The following TCF12 variants were observed in gnomAD, a reference collection of about 807,000 sequenced individuals.
TCF12 encodes DNA-binding protein HTF4.
Under a neutral mutation model 86.0 loss-of-function variants are expected in TCF12, and 45 were observed. That is an observed-to-expected ratio of 0.52 (90% CI 0.41 to 0.67). TCF12 has a LOEUF of 0.67. TCF12 is among the 30% of genes least tolerant of loss of function. The probability of loss-of-function intolerance (pLI) is 0.00; values close to 1 mark genes in which losing one functional copy is unlikely to be tolerated. For missense variants in TCF12, 881 were observed against 859.9 expected (o/e 1.02, Z -0.31); for synonymous variants, 330 against 299.6 (o/e 1.10, Z -1.05).
intron 18 of TCF12, among the ~76,000 whole-genome samples, chr15:57,270,603 T>C (rs1165594497): frequency 2.0e-5 from 3 of 152,186 alleles, no homozygotes; most frequent in Non-Finnish European, 4.4e-5. Context: ...TTTGTTCCCT[T>C]GTTGATGAGG....
intron 3 of TCF12, among the ~76,000 whole-genome samples, chr15:56,943,024 A>T (rs2060846701): frequency 6.6e-6 from 1 of 152,196 alleles, no homozygotes; most frequent in African/African-American, 2.4e-5. Flanking sequence ...GTATGGAAGG[A>T]TATTTGGTGA....
At chr15:56,920,812 C>T (rs1399911808) in intron 2 of TCF12, among the ~76,000 whole-genome samples, 5 of 152,056 alleles carry the variant, frequency 3.3e-5, no homozygotes, top group South Asian at 4.2e-4. Flanking sequence ...TGTAAATGAT[C>T]GGGTCTTCAG....
chr15:57,080,641 G>A (rs1343893669), intron 4 of TCF12, among the ~76,000 whole-genome samples: 1 of 152,062 alleles, frequency 6.6e-6, no homozygotes, highest in East Asian at 1.9e-4. Context: ...TGGATTTAGG[G>A]CCCTGACCCA....
At chr15:57,278,457 A>G (rs1037220902) in intron 19 of TCF12, 2 of 152,310 alleles carry the variant, frequency 1.3e-5, no homozygotes, top group East Asian at 1.9e-4. Flanking sequence ...CGGAATTTGC[A>G]TTACTAACAA....
Position 57,250,007 on chromosome 15 carries a change from C to G in TCF12, c.1115-1343C>G, listed in dbSNP as rs145421625. On this transcript the variant is annotated intron_variant, in intron 13 of 20. Transcript: ENST00000333725. ...TTTTTTATGCTTCTTTTTTTTCATT[C>G]TTTATACTCTGAACTTGTATCTTTT... Among the ~76,000 whole-genome samples the G allele has an allele frequency of 4.2e-3, 631 of 151,672 alleles. 2 individuals are homozygous for G. Among genetic ancestry groups the G allele is most frequent in the Non-Finnish European group, 4.9e-3 (335 of 67,856 alleles).
chr15:57,116,896 T>C (rs1481206141), intron 5 of TCF12, among the ~76,000 whole-genome samples: 1 of 152,150 alleles, frequency 6.6e-6, no homozygotes, highest in Non-Finnish European at 1.5e-5. Context: ...AATGAAGTAA[T>C]TTATTAACAG....
chr15:57,006,753 C>T (rs2064400709), intron 3 of TCF12, among the ~76,000 whole-genome samples: 1 of 88,284 alleles, frequency 1.1e-5, no homozygotes, highest in African/African-American at 2.7e-5. Context: ...CCCATCTCTA[C>T]CAAAAATACA....
intron 5 of TCF12, among the ~76,000 whole-genome samples, chr15:57,152,473 A>G (rs1209395991): frequency 1.3e-5 from 2 of 152,174 alleles, no homozygotes; most frequent in African/African-American, 4.8e-5. Flanking sequence ...TGGGAAACAT[A>G]GCATGCATGA....
In TCF12 at chr15:57,287,504, C is replaced by T. The variant is rs1482433076; in HGVS notation, c.*1359C>T. ...TCTTAATACTGTTCATTAAGGCACT[C>T]TCTGTCTCTAATCCTTAGGAGTTGT... On this transcript the variant is annotated 3_prime_UTR_variant, in exon 21 of 21. Transcript: ENST00000333725. 6.6e-6 allele frequency: 1 copy of T among 152,668 alleles called. No homozygotes were observed. The highest frequency in any genetic ancestry group is 2.4e-5 in the African/African-American group (1 of 41,456). 9.5% of individuals were successfully genotyped at this position (152,668 alleles called of 1,614,324 possible). A position where few individuals can be genotyped will look rare whatever the true frequency, so the allele number is the denominator to read the frequency against.
intron 16 of TCF12, among the ~76,000 whole-genome samples, chr15:57,257,494 C>CA (rs1209517999): frequency 1.2e-3 from 175 of 148,836 alleles, no homozygotes; most frequent in Non-Finnish European, 2.2e-3. Context: ...CCTGTATCTA[C>CA]AAAAAAAAAA....
chr15:57,282,282 G>A, intron 19 of TCF12, 163 bp from the exon 20 acceptor site: 1 of 742,132 alleles, frequency 1.3e-6, no homozygotes. Context: ...TAAATCTGGA[G>A]GCTCAGTTCA....
At chr15:57,110,319 G>GAA (rs11412560) in intron 5 of TCF12, among the ~76,000 whole-genome samples, 5 of 152,106 alleles carry the variant, frequency 3.3e-5, no homozygotes, top group Non-Finnish European at 5.9e-5. Context: ...ATAGTTGGGG[G>GAA]AAAAATGATG....
At chr15:57,272,975 G>A in intron 18 of TCF12, 55 bp from the exon 19 acceptor site, 1 of 1,500,072 alleles carries the variant, frequency 6.7e-7, no homozygotes. Flanking sequence ...TGCACAATCA[G>A]CATATCTTAC....
chr15:57,283,996 A>G (rs1408217913), intron 20 of TCF12, among the ~76,000 whole-genome samples: 10 of 152,002 alleles, frequency 6.6e-5, no homozygotes, highest in Non-Finnish European at 1.5e-5. Context: ...ACCTCAAACT[A>G]CCTCCCCCAC....
At chr15:57,051,980 G>T (rs1395343275) in intron 3 of TCF12, among the ~76,000 whole-genome samples, 2 of 152,018 alleles carry the variant, frequency 1.3e-5, no homozygotes. Context: ...TGTTCCATTG[G>T]TCTATGTGTC....
At chr15:57,050,538 G>A (rs762603669) in intron 3 of TCF12, among the ~76,000 whole-genome samples, 1 of 151,962 alleles carries the variant, frequency 6.6e-6, no homozygotes, top group Non-Finnish European at 1.5e-5. Flanking sequence ...GGTTTGCTTT[G>A]TAGTTCTCTC....
In TCF12 at chr15:56,942,799, G is replaced by A. The variant is rs143666400; in HGVS notation, c.148+21701G>A. Reference sequence around the variant, plus strand: ...ATTTCTTTCTTTAAAGACTTTATTGGCTTTTTAATGAAATTGTCAGTTCAG... The same window carrying A: ...ATTTCTTTCTTTAAAGACTTTATTGACTTTTTAATGAAATTGTCAGTTCAG... On this transcript the variant is annotated intron_variant, in intron 3 of 20. Transcript: ENST00000333725. Among the ~76,000 whole-genome samples, 212 of 152,018 alleles carry A rather than the reference G, an allele frequency of 1.4e-3. 5 individuals carry two copies. The East Asian group carries it at 0.039, about 28-fold the overall frequency.
At chr15:57,168,028 T>C (rs2055028523) in intron 6 of TCF12, among the ~76,000 whole-genome samples, 1 of 152,322 alleles carries the variant, frequency 6.6e-6, no homozygotes, top group East Asian at 1.9e-4. Context: ...TTGGCTATTA[T>C]GAGCTGGGCA....
intron 14 of TCF12, chr15:57,252,179 G>A: frequency 2.5e-6 from 1 of 392,308 alleles, no homozygotes; most frequent in Non-Finnish European, 4.5e-6. Context: ...TTAAATTGAA[G>A]GAACGTTTGC....
Sources: gnomAD v4.1 joint callset for allele counts (sites outside exome capture counted in the v4.1 genomes callset) on GRCh38, gnomAD v4.1.1 for gene constraint, MANE v1.5 for transcripts, NCBI Gene and HGNC (gene_info 2026-07-23, HGNC 2026-07-21) for gene names.